TMPRSS7: variants seen among roughly 807,000 people sequenced by gnomAD.
TMPRSS7 encodes transmembrane protease serine 7.
A neutral mutation model predicts 95.6 loss-of-function variants in TMPRSS7; 81 were observed. The observed-to-expected ratio is 0.85, with a 90% confidence interval of 0.71 to 1.02. TMPRSS7 has a LOEUF of 1.02. Among genes scored for constraint, TMPRSS7 ranks in the 50% least tolerant of loss-of-function variants. The pLI is 0.00. For missense variants in TMPRSS7, 945 were observed against 955.2 expected (o/e 0.99, Z 0.14); for synonymous variants, 364 against 337.8 (o/e 1.08, Z -0.85).
At chr3:112,045,899 G>A (rs1447948617) in exon 5 of TMPRSS7, 2 of 1,551,776 alleles carry the variant, frequency 1.3e-6, no homozygotes, top group Admixed American at 3.9e-5. Context: ...TCTGTGGGGA[G>A]CTTGCAGGGA....
intron 9 of TMPRSS7, among the ~76,000 whole-genome samples, chr3:112,051,465 T>G (rs1264669673): frequency 6.6e-6 from 1 of 152,122 alleles, no homozygotes; most frequent in African/African-American, 2.4e-5. Context: ...AAGGGACAAC[T>G]CTATTATATT....
In TMPRSS7 at chr3:112,066,545, C is replaced by G. The variant is rs369544458; in HGVS notation, c.1666+43C>G. ...GTGCCCTGCTGTTCCTCCTATGAAA[C>G]TCTTCTAAATCAGGACAAAAATACC... On this transcript the variant is annotated intron_variant, in intron 13 of 17. Transcript: ENST00000452346. 6.4e-6 allele frequency: 10 copies of G among 1,572,116 alleles called. No individual in the cohort carries two copies. The African/African-American group carries it at 9.5e-5, about 15-fold the overall frequency.
intron 6 of TMPRSS7, 87 bp from the exon 7 acceptor site, chr3:112,047,652 C>T: frequency 9.6e-7 from 1 of 1,045,692 alleles, no homozygotes; most frequent in Non-Finnish European, 1.4e-6. Flanking sequence ...CCTCTTTTGC[C>T]CTTTACTTTT....
At chr3:112,044,168 G>C (rs949662553) in intron 3 of TMPRSS7, 87 bp from the exon 4 acceptor site, 2 of 882,162 alleles carry the variant, frequency 2.3e-6, no homozygotes, top group Non-Finnish European at 3.6e-6. Flanking sequence ...CTTGCTGGCT[G>C]TCAGAGCTTG....
chr3:112,067,743 T>C (rs143608069), intron 13 of TMPRSS7, among the ~76,000 whole-genome samples: 49 of 152,348 alleles, frequency 3.2e-4, no homozygotes, highest in African/African-American at 1.0e-3. Flanking sequence ...CTTTGTGAAA[T>C]GGGTAGATTG....
intron 11 of TMPRSS7, among the ~76,000 whole-genome samples, chr3:112,062,330 G>T (rs147832363): frequency 6.6e-6 from 1 of 152,306 alleles, no homozygotes; most frequent in African/African-American, 2.4e-5. Flanking sequence ...GCCTGTGTTT[G>T]CACAGGAAGA....
At chr3:112,040,834 G>C (rs566133974) in intron 2 of TMPRSS7, among the ~76,000 whole-genome samples, 64 of 152,298 alleles carry the variant, frequency 4.2e-4, no homozygotes, top group Middle Eastern at 3.4e-3. Context: ...GGAAATCTGG[G>C]CATGGAGGGT....
exon 12 of TMPRSS7, chr3:112,063,568 C>A (rs372058619): frequency 6.6e-5 from 106 of 1,613,944 alleles, no homozygotes; most frequent in Non-Finnish European, 8.6e-5. Flanking sequence ...GTTTATGTGT[C>A]CCTCAGGCCC....
chr3:112,067,376 G>C (rs997497925), intron 13 of TMPRSS7, among the ~76,000 whole-genome samples: 2 of 152,134 alleles, frequency 1.3e-5, no homozygotes, highest in Non-Finnish European at 1.5e-5. Flanking sequence ...AATGGTATTT[G>C]TAGTTCTAGA....
At chr3:112,057,964 G>A (rs149420431) in intron 10 of TMPRSS7, among the ~76,000 whole-genome samples, 2,440 of 152,224 alleles carry the variant, frequency 0.016, 66 homozygotes, top group African/African-American at 0.055. Context: ...GACCTCAAGT[G>A]ATCCACCTTC....
exon 18 of TMPRSS7, chr3:112,081,034 G>T: frequency 1.9e-6 from 3 of 1,613,114 alleles, no homozygotes; most frequent in Non-Finnish European, 2.5e-6. Context: ...TTACACAAGG[G>T]TGTCAAACTT....
chr3:112,053,771 A>G (rs960112853), intron 9 of TMPRSS7, among the ~76,000 whole-genome samples: 11 of 152,242 alleles, frequency 7.2e-5, no homozygotes, highest in Admixed American at 7.2e-4. Flanking sequence ...AGAAGGAATC[A>G]TGCCTCCTCC....
chr3:112,043,821 T>C (rs1266598929), intron 3 of TMPRSS7, among the ~76,000 whole-genome samples: 3 of 152,242 alleles, frequency 2.0e-5, no homozygotes, highest in Non-Finnish European at 4.4e-5. Flanking sequence ...TGGGTACCAC[T>C]CGCCCCCTAG....
Position 112,045,735 on chromosome 3 carries a change from CT to C in TMPRSS7, c.498-9del. On this transcript the variant is annotated splice_polypyrimidine_tract_variant and intron_variant, in intron 4 of 17. Coordinates refer to ENST00000452346, the Ensembl canonical transcript of TMPRSS7. ...TCCTATGAGGTCCCTGATGATCTCT[CT>C]TTTTTCGTTATAGCAGCAACAACAA... 1 of 1,539,332 alleles carries C rather than the reference CT, an allele frequency of 6.5e-7. No homozygotes were observed. The highest frequency in any genetic ancestry group is 8.8e-7 in the Non-Finnish European group (1 of 1,140,834).
chr3:112,052,736 A>G (rs987090181), intron 9 of TMPRSS7, among the ~76,000 whole-genome samples: 10 of 152,224 alleles, frequency 6.6e-5, no homozygotes, highest in African/African-American at 2.2e-4. Flanking sequence ...AGAAAAAGAC[A>G]GTGCCATTCT....
rs763989529 is a variant in TMPRSS7, at chr3:112,077,194, G to A, written c.2224+50G>A. 5 of 1,589,804 alleles carry A rather than the reference G, an allele frequency of 3.1e-6. No individual in the cohort carries two copies. In the African/African-American group the frequency reaches 6.7e-5, roughly 21 times the overall value. ...GCCCTTCCCCTGCAGAGGATGATAA[G>A]GTGTTTATGTAGTGCTTTAGGGTTC... is the stretch of plus-strand genomic sequence containing the variant. On this transcript the variant is annotated intron_variant, in intron 16 of 17. Coordinates refer to ENST00000452346, the Ensembl canonical transcript of TMPRSS7.
At chr3:112,047,711 A>T in intron 6 of TMPRSS7, 28 bp from the exon 7 acceptor site, 1 of 1,502,960 alleles carries the variant, frequency 6.7e-7, no homozygotes, top group African/African-American at 1.4e-5. Flanking sequence ...AAAAAAGAAA[A>T]TAAAGGAAAA....
At chr3:112,071,350 C>A (rs1482389042) in intron 13 of TMPRSS7, among the ~76,000 whole-genome samples, 1 of 152,196 alleles carries the variant, frequency 6.6e-6, no homozygotes, top group Non-Finnish European at 1.5e-5. Context: ...TGTGGGTAAC[C>A]TGACCTTTGT....
intron 10 of TMPRSS7, 113 bp from the exon 11 acceptor site, chr3:112,061,674 G>A (rs759266488): frequency 2.5e-5 from 28 of 1,138,386 alleles, no homozygotes; most frequent in Admixed American, 6.7e-5. Flanking sequence ...TCTACCATAC[G>A]CATCTCTGTT....
Sources: allele counts gnomAD v4.1 joint callset (sites outside exome capture counted in the v4.1 genomes callset), GRCh38; gene constraint gnomAD v4.1.1; transcripts MANE v1.5; gene names NCBI Gene and HGNC (gene_info 2026-07-23, HGNC 2026-07-21).